RGS17: variants seen among roughly 807,000 people sequenced by gnomAD.
RGS17 encodes regulator of G-protein signaling 17.
Under a neutral mutation model 25.5 loss-of-function variants are expected in RGS17, and 12 were observed. That is an observed-to-expected ratio of 0.47 (90% CI 0.30 to 0.76). The LOEUF is 0.76. RGS17 is among the 30% of genes least tolerant of loss of function. The probability of loss-of-function intolerance (pLI) is 0.07; values close to 1 mark genes in which losing one functional copy is unlikely to be tolerated. For synonymous variants in RGS17, 71 were observed against 76.9 expected (o/e 0.92, Z 0.40); for missense variants, 196 against 242.2 (o/e 0.81, Z 1.27).
At chr6:153,021,454 C>T (rs941611534) in intron 4 of RGS17, among the ~76,000 whole-genome samples, 5 of 152,184 alleles carry the variant, frequency 3.3e-5, no homozygotes, top group East Asian at 1.9e-4. Flanking sequence ...GCATGCCATG[C>T]GCTGAGTATA....
At chr6:153,064,700 T>G (rs1457837012) in intron 1 of RGS17, among the ~76,000 whole-genome samples, 1 of 152,176 alleles carries the variant, frequency 6.6e-6, no homozygotes, top group Non-Finnish European at 1.5e-5. Flanking sequence ...CTTCTTTATT[T>G]GTTTATGCAA....
chr6:153,034,226 T>C (rs1421616295), intron 2 of RGS17, among the ~76,000 whole-genome samples: 1 of 152,136 alleles, frequency 6.6e-6, no homozygotes, highest in Admixed American at 6.5e-5. Context: ...ACAGACACCA[T>C]GGAAGACAAC....
intron 1 of RGS17, among the ~76,000 whole-genome samples, chr6:153,062,932 G>A (rs1776658413): frequency 6.6e-6 from 1 of 152,126 alleles, no homozygotes; most frequent in South Asian, 2.1e-4. Context: ...ACCCAGTCCT[G>A]GCAGGATTCA....
chr6:153,059,081 T>C (rs1405325332), intron 1 of RGS17, among the ~76,000 whole-genome samples: 1 of 152,196 alleles, frequency 6.6e-6, no homozygotes, highest in Non-Finnish European at 1.5e-5. Context: ...TCCTACTTGA[T>C]ATACAGTCTT....
intron 1 of RGS17, among the ~76,000 whole-genome samples, chr6:153,092,764 CAT>C (rs1254169201): frequency 4.6e-5 from 7 of 152,196 alleles, no homozygotes; most frequent in Non-Finnish European, 1.0e-4. Context: ...TCTGATGACT[CAT>C]ATAACTTGTA....
intron 2 of RGS17, among the ~76,000 whole-genome samples, chr6:153,034,598 G>A (rs1328250369): frequency 6.6e-6 from 1 of 152,202 alleles, no homozygotes; most frequent in Non-Finnish European, 1.5e-5. Flanking sequence ...CTCAGAGGTA[G>A]TAAGTAACTT....
chr6:153,109,659 A>AAC (rs1554244870), intron 1 of RGS17, among the ~76,000 whole-genome samples: 6 of 152,074 alleles, frequency 3.9e-5, no homozygotes, highest in African/African-American at 7.2e-5. Flanking sequence ...TTAGAAAAAA[A>AAC]CAATTTGTAA....
chr6:153,112,299 T>C (rs867705414), intron 1 of RGS17, among the ~76,000 whole-genome samples: 13 of 152,200 alleles, frequency 8.5e-5, no homozygotes, highest in African/African-American at 2.4e-4. Context: ...AATAGCCATA[T>C]TGATCAAGCG....
At chr6:153,053,970 T>C (rs12199374) in intron 1 of RGS17, among the ~76,000 whole-genome samples, 16 of 28,992 alleles carry the variant, frequency 5.5e-4, no homozygotes, top group African/African-American at 1.7e-3. Flanking sequence ...ATTATATACA[T>C]ATATATGTAT....
At chr6:153,095,990 A>G in intron 1 of RGS17, among the ~76,000 whole-genome samples, 1 of 152,210 alleles carries the variant, frequency 6.6e-6, no homozygotes, top group East Asian at 1.9e-4. Context: ...GATAAGCAGG[A>G]GTTTTCAAGG....
chr6:153,023,568 G>T (rs1418352625), intron 4 of RGS17, among the ~76,000 whole-genome samples: 1 of 152,222 alleles, frequency 6.6e-6, no homozygotes, highest in Non-Finnish European at 1.5e-5. Context: ...TTGGTTGCTA[G>T]AAGTATTGCT....
rs1348711348 is a variant in RGS17, at chr6:153,010,012, T to C, written c.*1562A>G. ...CCCCCAAACTTGTTTTTTTAAAAAA[T>C]ATGTTTAATAAATTAAAAAATGAGA... On this transcript the variant is annotated 3_prime_UTR_variant, in exon 5 of 5. Transcript: ENST00000206262. 1 of 151,748 alleles carries C rather than the reference T, an allele frequency of 6.6e-6. No individual in the cohort carries two copies. The highest frequency in any genetic ancestry group is 1.9e-4 in the East Asian group (1 of 5,190). 9.4% of individuals were successfully genotyped at this position (151,748 alleles called of 1,614,324 possible). A position where few individuals can be genotyped will look rare whatever the true frequency, so the allele number is the denominator to read the frequency against.
At chr6:153,047,156 T>C (rs1213628624) in intron 1 of RGS17, among the ~76,000 whole-genome samples, 1 of 152,184 alleles carries the variant, frequency 6.6e-6, no homozygotes, top group Non-Finnish European at 1.5e-5. Context: ...AGATTATTTC[T>C]GATAAACTCA....
chr6:153,061,772 A>G (rs555991773), intron 1 of RGS17, among the ~76,000 whole-genome samples: 99 of 152,264 alleles, frequency 6.5e-4, no homozygotes, highest in African/African-American at 2.3e-3. Flanking sequence ...TAACATACCT[A>G]TATGTTATTT....
chr6:153,058,453 A>G (rs553449730), intron 1 of RGS17, among the ~76,000 whole-genome samples: 5 of 152,190 alleles, frequency 3.3e-5, no homozygotes, highest in Non-Finnish European at 7.3e-5. Flanking sequence ...ATCACATGTA[A>G]ATGAACTGAG....
rs190976522 is a variant in RGS17 at position 153,095,158 on chromosome 6, G to A, written c.-26+35966C>T. On this transcript the variant is annotated intron_variant, in intron 1 of 4. Coordinates refer to ENST00000206262, the MANE Select transcript of RGS17 (RefSeq NM_012419.5). ...TAAGTGGCTCATTTTTTGTGGTTAG[G>A]TTAGTATTTATGAAATTTGGTTTTG... Among the ~76,000 whole-genome samples, 703 of 152,122 alleles carry A rather than the reference G, an allele frequency of 4.6e-3. 8 individuals carry two copies. The highest frequency in any genetic ancestry group is 0.01 in the Middle Eastern group (3 of 294).
At chr6:153,012,399 T>C (rs1406738146) in intron 4 of RGS17, among the ~76,000 whole-genome samples, 2 of 152,184 alleles carry the variant, frequency 1.3e-5, no homozygotes, top group African/African-American at 2.4e-5. Context: ...TGGAGTGAGA[T>C]CTTTGAGAGG....
intron 1 of RGS17, among the ~76,000 whole-genome samples, chr6:153,072,325 T>A (rs2129117455): frequency 6.6e-6 from 1 of 152,322 alleles, no homozygotes; most frequent in South Asian, 2.1e-4. Flanking sequence ...GTCAGTCTCA[T>A]GAAGTAAAGG....
At chr6:153,076,298 G>T (rs987627366) in intron 1 of RGS17, among the ~76,000 whole-genome samples, 2 of 151,874 alleles carry the variant, frequency 1.3e-5, no homozygotes, top group African/African-American at 4.8e-5. Context: ...AAAAATTTAA[G>T]TAAATGGAAT....
Sources: allele counts gnomAD v4.1 joint callset (sites outside exome capture counted in the v4.1 genomes callset), GRCh38; gene constraint gnomAD v4.1.1; transcripts MANE v1.5; gene names NCBI Gene and HGNC (gene_info 2026-07-23, HGNC 2026-07-21).